SLC15A4: variants seen among roughly 807,000 people sequenced by gnomAD.
SLC15A4 encodes solute carrier family 15 member 4, also known as hPHT1.
A neutral mutation model predicts 46.1 loss-of-function variants in SLC15A4; 26 were observed. The observed-to-expected ratio is 0.56, with a 90% confidence interval of 0.41 to 0.78. The LOEUF (loss-of-function observed/expected upper bound fraction) is 0.78. Ranked by LOEUF, SLC15A4 falls within the 30% of genes least tolerant of loss-of-function variation. SLC15A4 has a pLI of 0.00. For missense variants in SLC15A4, 751 were observed against 755.7 expected, an observed-to-expected ratio of 0.99 and a Z score of 0.07; for synonymous variants, 370 against 333.4, an observed-to-expected ratio of 1.11 and a Z score of -1.20.
intron 1 of SLC15A4, among the ~76,000 whole-genome samples, chr12:128,822,506 A>T (rs1334531991): frequency 6.6e-6 from 1 of 152,132 alleles, no homozygotes; most frequent in Non-Finnish European, 1.5e-5. Context: ...CTGAACTTAC[A>T]GGGCCTGAAC....
chr12:128,799,710 T>TA (rs1310078637), intron 6 of SLC15A4, among the ~76,000 whole-genome samples: 5 of 152,368 alleles, frequency 3.3e-5, no homozygotes, highest in South Asian at 2.1e-4. Context: ...TGTTGGCTCT[T>TA]AGACTTTTGT....
At position 128,794,327 on chromosome 12, in the gene SLC15A4, A is replaced by G; in HGVS notation, c.1603T>C (p.Tyr535His). Residue 535 changes from tyrosine (Y) to histidine (H), a missense_variant, in exon 8 of 8, where the codon TAC (tyrosine) becomes CAC (histidine). By Grantham distance (83) the Tyr-to-His change is moderately conservative (BLOSUM62 2). Transcript: ENST00000266771. Reference protein sequence around the residue: ...GNINGCYLNYYFFLLAAIQGA... With the variant: ...GNINGCYLNYHFFLLAAIQGA... ...TGAATAGCAGCCAGAAGAAAAAAGT[A>G]ATAGTTCAAATAGCAGCCGTTAATA... is the stretch of plus-strand genomic sequence containing the variant. 2 of 1,613,086 alleles carry G rather than the reference A, an allele frequency of 1.2e-6. No homozygotes were observed. The highest frequency in any genetic ancestry group is 1.7e-6 in the Non-Finnish European group (2 of 1,179,604).
intron 2 of SLC15A4, among the ~76,000 whole-genome samples, chr12:128,810,549 T>G (rs1264141062): frequency 6.6e-6 from 1 of 152,168 alleles, no homozygotes; most frequent in African/African-American, 2.4e-5. Flanking sequence ...ATCAGCTAAT[T>G]TATCAAACAT....
chr12:128,796,128 T>C (rs1310146153), intron 7 of SLC15A4, among the ~76,000 whole-genome samples: 1 of 152,154 alleles, frequency 6.6e-6, no homozygotes, highest in African/African-American at 2.4e-5. Flanking sequence ...ATAAACACAA[T>C]ATAATACACG....
At chr12:128,808,256 G>C (rs1324850850) in intron 5 of SLC15A4, among the ~76,000 whole-genome samples, 1 of 152,166 alleles carries the variant, frequency 6.6e-6, no homozygotes, top group Non-Finnish European at 1.5e-5. Context: ...TTAGGCATTT[G>C]TTCTTATCAG....
chr12:128,818,750 G>A (rs1265386045), intron 1 of SLC15A4, among the ~76,000 whole-genome samples: 1 of 152,118 alleles, frequency 6.6e-6, no homozygotes, highest in East Asian at 1.9e-4. Flanking sequence ...AGGAACTCCT[G>A]TTCCCTTTAA....
At chr12:128,821,113 G>C (rs1288102145) in intron 1 of SLC15A4, among the ~76,000 whole-genome samples, 2 of 152,142 alleles carry the variant, frequency 1.3e-5, no homozygotes, top group Admixed American at 6.5e-5. Flanking sequence ...CCTGCTTCTT[G>C]TACAGCCTGC....
chr12:128,823,374 A>T (rs923178161), intron 1 of SLC15A4, 24 bp downstream of exon 1: 10 of 1,388,266 alleles, frequency 7.2e-6, no homozygotes, highest in Non-Finnish European at 9.3e-6. Context: ...AGGGACAGGG[A>T]CAGCGCGCGG....
chr12:128,823,123 C>G (rs910716672), intron 1 of SLC15A4, among the ~76,000 whole-genome samples: 5 of 152,228 alleles, frequency 3.3e-5, no homozygotes, highest in Non-Finnish European at 7.3e-5. Flanking sequence ...CAGGCGTGAG[C>G]CACCGCGCCC....
At chr12:128,821,008 G>C (rs1955828033) in intron 1 of SLC15A4, among the ~76,000 whole-genome samples, 1 of 152,098 alleles carries the variant, frequency 6.6e-6, no homozygotes, top group South Asian at 2.1e-4. Flanking sequence ...TACAAGCCTG[G>C]CACCTCCCTC....
intron 5 of SLC15A4, among the ~76,000 whole-genome samples, chr12:128,802,965 G>A (rs1005766035): frequency 3.3e-5 from 5 of 152,192 alleles, no homozygotes; most frequent in African/African-American, 1.2e-4. Context: ...AAAGCCAATG[G>A]GGAAAATGAC....
intron 5 of SLC15A4, among the ~76,000 whole-genome samples, chr12:128,803,713 A>G (rs1477085483): frequency 6.6e-6 from 1 of 152,236 alleles, no homozygotes; most frequent in Non-Finnish European, 1.5e-5. Flanking sequence ...AGACGAAAAA[A>G]AAAATACAGC....
At chr12:128,799,492 A>C in intron 6 of SLC15A4, 75 bp from the exon 7 acceptor site, 1 of 1,527,384 alleles carries the variant, frequency 6.5e-7, no homozygotes, top group Non-Finnish European at 9.0e-7. Flanking sequence ...TTCACCTAAT[A>C]TAGCAGAGGA....
At chr12:128,801,921 A>G (rs979522518) in intron 5 of SLC15A4, among the ~76,000 whole-genome samples, 1 of 152,224 alleles carries the variant, frequency 6.6e-6, no homozygotes, top group Non-Finnish European at 1.5e-5. Flanking sequence ...CCTGAGCATG[A>G]GAAAGGACCA....
At chr12:128,805,318 A>G (rs1259581502) in intron 5 of SLC15A4, among the ~76,000 whole-genome samples, 1 of 152,176 alleles carries the variant, frequency 6.6e-6, no homozygotes, top group African/African-American at 2.4e-5. Flanking sequence ...AGAAAAAGAG[A>G]TATAATTATT....
Position 128,823,789 on chromosome 12 carries a change from T to C in SLC15A4, c.155A>G (p.Tyr52Cys), listed in dbSNP as rs1955892240. 2.7e-6 allele frequency: 4 copies of C among 1,509,096 alleles called. No individual in the cohort carries two copies. Among genetic ancestry groups the C allele is most frequent in the African/African-American group, 1.4e-5 (1 of 69,322 alleles). The allele number at this position is 1,509,096 out of a possible 1,614,324, so 93.5% of individuals were successfully genotyped here. A position where few individuals can be genotyped will look rare whatever the true frequency, so the allele number is the denominator to read the frequency against. ...LTELLERAAF[Y>C]GITSNLVLFL... ...TAGCACCAGGTTGGACGTGATGCCG[T>C]AGAAAGCGGCGCGCTCCAGCAGCTC... Residue 52 changes from tyrosine (Y) to cysteine (C), a missense_variant, in exon 1 of 8, where the codon TAC (tyrosine) becomes TGC (cysteine). Physicochemically the swap from Tyr to Cys is radical, Grantham distance 194 (BLOSUM62 -2). Transcript: ENST00000266771.
At chr12:128,807,464 T>C (rs1955603356) in intron 5 of SLC15A4, among the ~76,000 whole-genome samples, 3 of 152,184 alleles carry the variant, frequency 2.0e-5, no homozygotes, top group Admixed American at 2.0e-4. Context: ...GAACGAGGAC[T>C]CCCTTCCTTG....
chr12:128,823,829 C>T lies in SLC15A4; in HGVS notation c.115G>A (p.Ala39Thr). 1.5e-6 allele frequency: 2 copies of T among 1,366,412 alleles called. No homozygotes were observed. Among genetic ancestry groups the T allele is most frequent in the Non-Finnish European group, 1.9e-6 (2 of 1,048,800 alleles). The allele number at this position is 1,366,412 out of a possible 1,614,324, so 84.6% of individuals were successfully genotyped here. ...TCCAGCAGCTCCGTCAGCAGCACGG[C>T]CCCGCACGCCGCGCGCCGGCCCGCG... The part of the protein sequence containing the change: ...AFAGRRAACG[A>T]VLLTELLERA... Residue 39 changes from alanine to threonine, a missense_variant, in exon 1 of 8, where the codon GCC becomes ACC. Transcript: ENST00000266771.
Position 128,808,925 on chromosome 12 carries a change from G to GC in SLC15A4, c.1120dup (p.Ala374GlyfsTer52), listed in dbSNP as rs1487136320. ...AGGGATGAGCAGGAGGATGAGCACA[G>GC]CATCAAACATGGTCAGCCAGGCTGC... On this transcript the variant is annotated frameshift_variant, in exon 5 of 8. Transcript: ENST00000266771. LOFTEE classifies it high-confidence loss of function. The GC allele has an allele frequency of 5.6e-6, 9 of 1,614,118 alleles. No individual in the cohort carries two copies. Among genetic ancestry groups the GC allele is most frequent in the Non-Finnish European group, 6.8e-6 (8 of 1,179,974 alleles).
Sources: allele counts gnomAD v4.1 joint callset (sites outside exome capture counted in the v4.1 genomes callset), GRCh38; gene constraint gnomAD v4.1.1; transcripts MANE v1.5; gene names NCBI Gene and HGNC (gene_info 2026-07-23, HGNC 2026-07-21).